PTPRD: variants seen among roughly 807,000 people sequenced by gnomAD.
PTPRD encodes protein tyrosine phosphatase receptor type D.
In PTPRD, 34 loss-of-function variants were observed where a neutral mutation model predicts 214.5. The observed-to-expected ratio is 0.16, with a 90% confidence interval of 0.12 to 0.21. The LOEUF (loss-of-function observed/expected upper bound fraction) is 0.21, where lower values mean the gene tolerates loss of function less well. PTPRD is among the 10% of genes least tolerant of loss of function. The pLI is 1.00. For synonymous variants in PTPRD, 1,128 were observed against 845.7 expected (o/e 1.33, Z -5.79); for missense variants, 2,545 against 2,398.7 (o/e 1.06, Z -1.27).
At chr9:9,440,258 T>C (rs1019608113) in intron 8 of PTPRD, among the ~76,000 whole-genome samples, 1 of 152,224 alleles carries the variant, frequency 6.6e-6, no homozygotes, top group Non-Finnish European at 1.5e-5. Flanking sequence ...TTTATCAAAT[T>C]TGTGTACGCA....
chr9:9,111,302 G>C (rs966554381), intron 10 of PTPRD, among the ~76,000 whole-genome samples: 3 of 137,246 alleles, frequency 2.2e-5, no homozygotes, highest in African/African-American at 8.3e-5. Context: ...CTAATCCTCA[G>C]TACATTCTGA....
chr9:8,950,978 T>A (rs1367669413), intron 11 of PTPRD, among the ~76,000 whole-genome samples: 1 of 152,156 alleles, frequency 6.6e-6, no homozygotes, highest in Non-Finnish European at 1.5e-5. Flanking sequence ...TTTTGATAGT[T>A]GAATCCTATT....
At chr9:9,920,735 C>A (rs1461146554) in intron 5 of PTPRD, among the ~76,000 whole-genome samples, 3 of 152,094 alleles carry the variant, frequency 2.0e-5, no homozygotes, top group Non-Finnish European at 4.4e-5. Flanking sequence ...CTGTCGATAA[C>A]TAAATTTATT....
chr9:10,084,627 T>C (rs912624362), intron 3 of PTPRD, among the ~76,000 whole-genome samples: 5 of 151,810 alleles, frequency 3.3e-5, no homozygotes, highest in African/African-American at 1.2e-4. Flanking sequence ...TTATTGCATT[T>C]GGGAGTCAAC....
chr9:9,191,366 G>T (rs1018326055), intron 9 of PTPRD, among the ~76,000 whole-genome samples: 3 of 151,990 alleles, frequency 2.0e-5, no homozygotes, highest in Admixed American at 6.6e-5. Flanking sequence ...CTTTCATTTG[G>T]TCCTTGAAAT....
At chr9:10,591,204 T>C (rs1461408272) in intron 2 of PTPRD, among the ~76,000 whole-genome samples, 6 of 152,020 alleles carry the variant, frequency 3.9e-5, no homozygotes, top group Non-Finnish European at 7.4e-5. Flanking sequence ...GTGGCATTTC[T>C]TTCTATTGCT....
rs1041602908 is a variant in PTPRD, at chr9:9,508,693, C to T, written c.-237+66039G>A. Among the ~76,000 whole-genome samples, 4 of 151,712 alleles carry T rather than the reference C, an allele frequency of 2.6e-5. No homozygotes were observed. The East Asian group carries it at 5.8e-4, about 22-fold the overall frequency. On this transcript the variant is annotated intron_variant, in intron 8 of 45. Transcript: ENST00000381196. ...AGCCTCAAAAGGTATTATATGTTCT[C>T]ATTTTCAATTCATTGTACTTATGGA...
intron 3 of PTPRD, among the ~76,000 whole-genome samples, chr9:10,091,197 A>G (rs1021652317): frequency 6.6e-6 from 1 of 151,578 alleles, no homozygotes; most frequent in African/African-American, 2.4e-5. Context: ...TTCAAGTACT[A>G]GTATTAATTA....
intron 9 of PTPRD, among the ~76,000 whole-genome samples, chr9:9,204,124 A>G (rs1408496865): frequency 2.0e-5 from 3 of 152,174 alleles, no homozygotes; most frequent in Non-Finnish European, 4.4e-5. Context: ...AACAGATGTG[A>G]ATTCATCATG....
intron 7 of PTPRD, among the ~76,000 whole-genome samples, chr9:9,667,502 A>C (rs1385007267): frequency 6.6e-6 from 1 of 152,158 alleles, no homozygotes; most frequent in Non-Finnish European, 1.5e-5. Flanking sequence ...ACAGCAGTAA[A>C]AACGGTAAGG....
chr9:8,364,558 G>A (rs201626899), intron 39 of PTPRD, among the ~76,000 whole-genome samples: 1 of 152,318 alleles, frequency 6.6e-6, no homozygotes, highest in African/African-American at 2.4e-5. Flanking sequence ...GCACTCCAAC[G>A]GGAGCGGCAG....
At chr9:10,382,786 G>T (rs1363587679) in intron 2 of PTPRD, among the ~76,000 whole-genome samples, 1 of 151,938 alleles carries the variant, frequency 6.6e-6, no homozygotes, top group African/African-American at 2.4e-5. Context: ...AACGGCATTT[G>T]TCAAGGAAGA....
intron 10 of PTPRD, among the ~76,000 whole-genome samples, chr9:9,098,126 C>G (rs776549927): frequency 6.6e-6 from 1 of 151,896 alleles, no homozygotes; most frequent in Non-Finnish European, 1.5e-5. Context: ...TGTTCATTAA[C>G]CATGTATCAC....
At chr9:9,365,955 A>G (rs2057766895) in intron 9 of PTPRD, among the ~76,000 whole-genome samples, 1 of 151,574 alleles carries the variant, frequency 6.6e-6, no homozygotes, top group Non-Finnish European at 1.5e-5. Context: ...TGATGTAAAT[A>G]TAGCATGGAT....
chr9:10,140,712 A>G (rs2098978466), intron 3 of PTPRD, among the ~76,000 whole-genome samples: 3 of 151,926 alleles, frequency 2.0e-5, no homozygotes, highest in Admixed American at 2.0e-4. Context: ...TATTCCAATC[A>G]ATAGAAAAAA....
rs183326970 is a variant in PTPRD, at chr9:9,826,399, A to T, written c.-367-59548T>A. ...TTACTGGTTGCCTTTCAATTATTTA[A>T]AAAAAATACAATTTTGAAGTATTTT... On this transcript the variant is annotated intron_variant, in intron 5 of 45. Coordinates refer to ENST00000381196, the MANE Select transcript of PTPRD (RefSeq NM_002839.4). 1.2e-4 allele frequency among the ~76,000 whole-genome samples: 18 copies of T among 151,950 alleles called. No homozygotes were observed. In the East Asian group the frequency reaches 2.5e-3, roughly 21 times the overall value.
chr9:9,188,137 G>A (rs576257529), intron 9 of PTPRD, among the ~76,000 whole-genome samples: 13 of 151,994 alleles, frequency 8.6e-5, no homozygotes, highest in African/African-American at 1.9e-4. Context: ...TGCCTTGAAC[G>A]TTATGTAAAT....
chr9:10,403,588 C>A (rs182095409), intron 2 of PTPRD, among the ~76,000 whole-genome samples: 1 of 151,338 alleles, frequency 6.6e-6, no homozygotes, highest in African/African-American at 2.4e-5. Context: ...ACACTCTGAC[C>A]ATGGGCTCCA....
intron 9 of PTPRD, among the ~76,000 whole-genome samples, chr9:9,184,022 T>G (rs529302512): frequency 6.6e-6 from 1 of 152,134 alleles, no homozygotes; most frequent in Non-Finnish European, 1.5e-5. Context: ...TGATTCATTT[T>G]TGTATTGTTT....
Sources: allele counts gnomAD v4.1 joint callset (sites outside exome capture counted in the v4.1 genomes callset), GRCh38; gene constraint gnomAD v4.1.1; transcripts MANE v1.5; gene names NCBI Gene and HGNC (gene_info 2026-07-23, HGNC 2026-07-21).